Variants in SFMBT2 observed in about 807,000 individuals in gnomAD.
SFMBT2 encodes the protein scm-like with four MBT domains protein 2.
SFMBT2 carries 38 observed loss-of-function variants against 110.1 expected under a neutral mutation model. The observed-to-expected ratio is 0.35, with a 90% CI of 0.27 to 0.45. The LOEUF is 0.45. SFMBT2 is among the 20% of genes least tolerant of loss of function. SFMBT2 has a pLI of 1.00. For synonymous variants in SFMBT2, 425 were observed against 425.4 expected (o/e 1.00, Z 0.01); for missense variants, 1,011 against 1,094.9 (o/e 0.92, Z 1.08).
intron 15 of SFMBT2, among the ~76,000 whole-genome samples, chr10:7,190,019 T>C (rs1440076946): frequency 4.6e-5 from 7 of 152,222 alleles, no homozygotes; most frequent in Non-Finnish European, 5.9e-5. Context: ...TTTCTCAAGT[T>C]GTAACTAAGG....
rs139616328 is a variant in SFMBT2 at position 7,322,606 on chromosome 10, GACACAC to G, written c.437-36658_437-36653del. ...GAATTTGAAATGAAAACTTATGGAA[GACACAC>G]ACACACACACACACACACATACACA... On this transcript the variant is annotated intron_variant, in intron 4 of 20. Coordinates refer to ENST00000397167, the MANE Select transcript of SFMBT2 (RefSeq NM_001387889.1). Among the ~76,000 whole-genome samples the G allele has an allele frequency of 6.2e-3, 924 of 148,688 alleles. 11 individuals are homozygous for G. The highest frequency in any genetic ancestry group is 0.021 in the African/African-American group (861 of 40,140).
chr10:7,377,353 A>G (rs996354834), intron 2 of SFMBT2, among the ~76,000 whole-genome samples: 2 of 152,172 alleles, frequency 1.3e-5, no homozygotes, highest in Admixed American at 6.5e-5. Context: ...GTGGAAGACA[A>G]TTAGGCACCG....
intron 1 of SFMBT2, among the ~76,000 whole-genome samples, chr10:7,395,294 A>G (rs1845893528): frequency 6.6e-6 from 1 of 152,122 alleles, no homozygotes; most frequent in Admixed American, 6.5e-5. Context: ...AAAAAAAAAG[A>G]ATTCTACGTT....
intron 4 of SFMBT2, among the ~76,000 whole-genome samples, chr10:7,299,515 A>G (rs1270648614): frequency 6.6e-6 from 1 of 152,232 alleles, no homozygotes; most frequent in Non-Finnish European, 1.5e-5. Flanking sequence ...GAGAAATGCA[A>G]ATCAAAACCA....
Position 7,172,755 on chromosome 10 carries a change from A to T in SFMBT2, c.1985-94T>A, listed in dbSNP as rs1009323571. The T allele has an allele frequency of 7.2e-7, 1 of 1,389,784 alleles. No homozygotes were observed. The highest frequency in any genetic ancestry group is 9.8e-7 in the Non-Finnish European group (1 of 1,025,096). The allele number at this position is 1,389,784 out of a possible 1,614,324, so 86.1% of individuals were successfully genotyped here. Reference sequence around the variant, plus strand: ...GAGAAAGAAGGGAAACGATTCTTTCATCTGATAGTTCATTTGTGCCTTACG... The same window carrying T: ...GAGAAAGAAGGGAAACGATTCTTTCTTCTGATAGTTCATTTGTGCCTTACG... On this transcript the variant is annotated intron_variant, in intron 17 of 20. Transcript: ENST00000397167. The surrounding 1 kb of genome is among the most constrained non-coding windows in gnomAD (Gnocchi z 4.6).
At chr10:7,228,399 T>C in intron 9 of SFMBT2, 1 of 800,688 alleles carries the variant, frequency 1.2e-6, no homozygotes, top group Non-Finnish European at 1.5e-6. Context: ...AACAAAACAG[T>C]ACCAGGGACG....
chr10:7,344,111 T>C (rs536271983), intron 4 of SFMBT2, among the ~76,000 whole-genome samples: 11 of 152,366 alleles, frequency 7.2e-5, no homozygotes, highest in African/African-American at 2.4e-4. Context: ...GTCCTATTTG[T>C]GCATGCACAA....
intron 12 of SFMBT2, 116 bp from the exon 13 acceptor site, chr10:7,202,638 T>C: frequency 6.4e-7 from 1 of 1,567,006 alleles, no homozygotes; most frequent in Non-Finnish European, 8.7e-7. Flanking sequence ...ATTTAAATGC[T>C]GAAAAGTTAC....
At chr10:7,291,047 G>T (rs1446107743) in intron 4 of SFMBT2, among the ~76,000 whole-genome samples, 1 of 152,164 alleles carries the variant, frequency 6.6e-6, no homozygotes, top group Non-Finnish European at 1.5e-5. Flanking sequence ...CCTTGGTCAG[G>T]GCTGCCCATG....
chr10:7,191,138 T>C (rs1398348728), intron 15 of SFMBT2, among the ~76,000 whole-genome samples: 1 of 152,022 alleles, frequency 6.6e-6, no homozygotes, highest in Non-Finnish European at 1.5e-5. Context: ...TATGTCTTGA[T>C]CACCAATGTG....
At chr10:7,204,960 G>C in intron 12 of SFMBT2, 1 of 983,520 alleles carries the variant, frequency 1.0e-6, no homozygotes, top group Non-Finnish European at 1.2e-6. Flanking sequence ...TTACTGCTGG[G>C]TTAACTGTTA....
At chr10:7,385,754 C>G (rs1251739466) in intron 1 of SFMBT2, among the ~76,000 whole-genome samples, 2 of 152,158 alleles carry the variant, frequency 1.3e-5, no homozygotes, top group Non-Finnish European at 2.9e-5. Flanking sequence ...AATCCCAGCA[C>G]TTTGGGAGGC....
At chr10:7,189,836 C>T (rs1838541510) in intron 15 of SFMBT2, among the ~76,000 whole-genome samples, 1 of 152,206 alleles carries the variant, frequency 6.6e-6, no homozygotes, top group African/African-American at 2.4e-5. Flanking sequence ...AGATGGGAGT[C>T]TGGCACTAGT....
chr10:7,341,179 C>T (rs953531725), intron 4 of SFMBT2, among the ~76,000 whole-genome samples: 5 of 152,198 alleles, frequency 3.3e-5, no homozygotes, highest in South Asian at 4.1e-4. Flanking sequence ...CTTCCTCGGG[C>T]CTCATGGCCA....
intron 1 of SFMBT2, among the ~76,000 whole-genome samples, chr10:7,392,983 T>TTA (rs760008467): frequency 4.8e-3 from 286 of 59,868 alleles, no homozygotes; most frequent in Non-Finnish European, 7.2e-3. Flanking sequence ...TGTGGATAGA[T>TTA]TATATATATA....
At chr10:7,410,475 G>A (rs994151245) in intron 1 of SFMBT2, among the ~76,000 whole-genome samples, 1 of 152,344 alleles carries the variant, frequency 6.6e-6, no homozygotes, top group Non-Finnish European at 1.5e-5. Flanking sequence ...CGGCGGGAGG[G>A]GACAGGCTGC....
At chr10:7,169,357 G>A (rs1309400108) in intron 20 of SFMBT2, among the ~76,000 whole-genome samples, 1 of 152,136 alleles carries the variant, frequency 6.6e-6, no homozygotes, top group Non-Finnish European at 1.5e-5. Context: ...TGGACTTCTC[G>A]GGACACAGGG....
At chr10:7,346,684 T>G (rs1844121280) in intron 4 of SFMBT2, among the ~76,000 whole-genome samples, 1 of 152,110 alleles carries the variant, frequency 6.6e-6, no homozygotes, top group Admixed American at 6.6e-5. Context: ...AAAAATTTTT[T>G]GTAGGCTGGG....
At position 7,203,792 on chromosome 10, in the gene SFMBT2, T is replaced by C. The variant is rs143390736; in HGVS notation, c.1445-1270A>G. 3,032 of 313,566 alleles carry C rather than the reference T, an allele frequency of 9.7e-3. 91 individuals are homozygous for C. The highest frequency in any genetic ancestry group is 0.064 in the African/African-American group (2,847 of 44,570). The allele number at this position is 313,566 out of a possible 1,614,324, so 19.4% of individuals were successfully genotyped here. A position where few individuals can be genotyped will look rare whatever the true frequency, so the allele number is the denominator to read the frequency against. On this transcript the variant is annotated intron_variant, in intron 12 of 20. Transcript: ENST00000397167. ...GTGCAGTGGCATGATCTCAGTTCACTGCAACCTCTGCCTCCCGGATTCAAG... is the reference window on the plus strand; with the variant it reads ...GTGCAGTGGCATGATCTCAGTTCACCGCAACCTCTGCCTCCCGGATTCAAG...
Sources: allele counts gnomAD v4.1 joint callset (sites outside exome capture counted in the v4.1 genomes callset), GRCh38; gene constraint gnomAD v4.1.1; non-coding constraint Gnocchi (gnomAD v3.1); transcripts MANE v1.5; gene names NCBI Gene and HGNC (gene_info 2026-07-23, HGNC 2026-07-21).